Variants in KIFAP3 observed in about 807,000 individuals in gnomAD.
KIFAP3 encodes kinesin associated protein 3.
In KIFAP3, 68 loss-of-function variants were observed where a neutral mutation model predicts 106.5. The observed-to-expected ratio is 0.64, with a 90% CI of 0.53 to 0.78. The LOEUF (loss-of-function observed/expected upper bound fraction) is 0.78, where lower values mean the gene tolerates loss of function less well. Ranked by LOEUF, KIFAP3 falls within the 30% of genes least tolerant of loss-of-function variation. The pLI, the probability that KIFAP3 is intolerant of heterozygous loss-of-function variation, is 0.00. For missense variants in KIFAP3, 780 were observed against 941.8 expected, an observed-to-expected ratio of 0.83 and a Z score of 2.25; for synonymous variants, 320 against 311.5, an observed-to-expected ratio of 1.03 and a Z score of -0.29.
chr1:170,041,964 C>G, intron 3 of KIFAP3: 1 of 804,896 alleles, frequency 1.2e-6, no homozygotes, highest in Non-Finnish European at 1.8e-6. Context: ...AGAGTTCTGA[C>G]TTATCAGGGT....
At chr1:170,016,098 A>G (rs1312385125) in intron 10 of KIFAP3, among the ~76,000 whole-genome samples, 2 of 152,172 alleles carry the variant, frequency 1.3e-5, no homozygotes, top group Non-Finnish European at 2.9e-5. Context: ...TAGTATTTTG[A>G]AAGTATAGCA....
chr1:169,941,630 T>TATAAATATATTTGACCTA (rs1558181266), intron 19 of KIFAP3, among the ~76,000 whole-genome samples: 11 of 152,216 alleles, frequency 7.2e-5, no homozygotes, highest in African/African-American at 2.6e-4. Flanking sequence ...CATATTTCCA[T>TATAAATATATTTGACCTA]ATATAAATTT....
chr1:169,956,412 A>G (rs2101850235), intron 18 of KIFAP3, among the ~76,000 whole-genome samples: 1 of 152,284 alleles, frequency 6.6e-6, no homozygotes, highest in South Asian at 2.1e-4. Flanking sequence ...ATTGTCTTCA[A>G]AGGGAACAAT....
At chr1:169,954,577 C>G (rs1273640521) in intron 18 of KIFAP3, among the ~76,000 whole-genome samples, 1 of 152,092 alleles carries the variant, frequency 6.6e-6, no homozygotes, top group African/African-American at 2.4e-5. Context: ...ATTAGGGAAT[C>G]AGATATACCA....
At chr1:170,046,066 C>G (rs1346571515) in intron 3 of KIFAP3, among the ~76,000 whole-genome samples, 1 of 151,946 alleles carries the variant, frequency 6.6e-6, no homozygotes, top group African/African-American at 2.4e-5. Flanking sequence ...TCACCTTACA[C>G]TCTGACCAAT....
intron 2 of KIFAP3, among the ~76,000 whole-genome samples, chr1:170,054,236 C>G (rs1670724580): frequency 6.6e-6 from 1 of 152,168 alleles, no homozygotes; most frequent in Non-Finnish European, 1.5e-5. Flanking sequence ...CCAAGAAACA[C>G]ATGAAAAGAA....
Position 170,061,642 on chromosome 1 carries a change from A to T in KIFAP3, c.33-6206T>A, listed in dbSNP as rs545094249. ...GATCTAGAACTAGAAATACCATTTG[A>T]CCCAGCCATCCCATTACTGGGTATA... is the stretch of plus-strand genomic sequence containing the variant. On this transcript the variant is annotated intron_variant, in intron 1 of 19. Transcript: ENST00000361580. 6.4e-4 allele frequency among the ~76,000 whole-genome samples: 97 copies of T among 152,300 alleles called. No homozygotes were observed. The East Asian group carries it at 0.015, about 23-fold the overall frequency.
At chr1:170,072,084 T>C (rs951191567) in intron 1 of KIFAP3, among the ~76,000 whole-genome samples, 5 of 152,266 alleles carry the variant, frequency 3.3e-5, no homozygotes, top group South Asian at 2.1e-4. Flanking sequence ...TAATGACTTT[T>C]ACACAGTAGA....
rs1663917839 is a variant in KIFAP3 at position 169,938,249 on chromosome 1, T to C, written c.2273+15762A>G. ...GTACACTACGAATCCCTTAACTGGA[T>C]CTTAATTATGAAGGCAAGCATCTTC... On this transcript the variant is annotated intron_variant, in intron 19 of 19. Transcript: ENST00000361580. Among the ~76,000 whole-genome samples, 3 of 151,986 alleles carry C rather than the reference T, an allele frequency of 2.0e-5. No individual in the cohort carries two copies. The South Asian group carries it at 6.2e-4, about 31-fold the overall frequency.
chr1:169,985,484 T>C (rs1020006007), intron 11 of KIFAP3, among the ~76,000 whole-genome samples: 2 of 151,860 alleles, frequency 1.3e-5, no homozygotes, highest in Admixed American at 6.6e-5. Context: ...CACTGAGAAA[T>C]GACATACATG....
In KIFAP3 at chr1:170,031,891, A is replaced by G; in HGVS notation, c.836T>C (p.Leu279Ser). Residue 279 changes from leucine (L) to serine (S), a missense_variant, in exon 8 of 20, where the codon TTA becomes TCA. By Grantham distance (145) the Leu-to-Ser change is moderately radical (BLOSUM62 -2). Transcript: ENST00000361580. Reference protein sequence around the residue: ...QGLVVKQEQLLRVALYLLLNL... With the variant: ...QGLVVKQEQLSRVALYLLLNL... ...CATTGCTTAGGAATTCATACCTCGTAATAGCTGTTCCTGTTTTACCACAAG... is the reference window on the plus strand; with the variant it reads ...CATTGCTTAGGAATTCATACCTCGTGATAGCTGTTCCTGTTTTACCACAAG... 5 of 1,596,316 alleles carry G rather than the reference A, an allele frequency of 3.1e-6. No homozygotes were observed. The South Asian group carries it at 5.5e-5, about 18-fold the overall frequency.
chr1:170,025,099 CATAT>C (rs2102024984), intron 8 of KIFAP3, among the ~76,000 whole-genome samples: 1 of 152,214 alleles, frequency 6.6e-6, no homozygotes, highest in South Asian at 2.1e-4. Context: ...ATCAACTTTT[CATAT>C]GCAAACTGAT....
At chr1:170,055,487 C>T (rs1670794861) in intron 1 of KIFAP3, 51 bp from the exon 2 acceptor site, 4 of 1,456,764 alleles carry the variant, frequency 2.7e-6, no homozygotes, top group Non-Finnish European at 3.7e-6. Flanking sequence ...CTCAAAGTGG[C>T]CATGGTTTTT....
At chr1:169,989,191 CAG>C (rs1666981963) in intron 11 of KIFAP3, among the ~76,000 whole-genome samples, 1 of 151,956 alleles carries the variant, frequency 6.6e-6, no homozygotes, top group Non-Finnish European at 1.5e-5. Context: ...GTAATCTAGA[CAG>C]ACTCTTATTT....
chr1:170,030,640 T>C (rs1250244359), intron 8 of KIFAP3, among the ~76,000 whole-genome samples: 2 of 151,854 alleles, frequency 1.3e-5, no homozygotes, highest in Admixed American at 1.3e-4. Context: ...TATTGATAAA[T>C]GCAATAATAT....
intron 10 of KIFAP3, among the ~76,000 whole-genome samples, chr1:169,993,330 T>C (rs1667193451): frequency 6.6e-6 from 1 of 151,406 alleles, no homozygotes; most frequent in Non-Finnish European, 1.5e-5. Flanking sequence ...CAGGCTGGTC[T>C]CGAACTCTTG....
intron 8 of KIFAP3, among the ~76,000 whole-genome samples, chr1:170,029,096 T>C (rs902611161): frequency 6.6e-6 from 1 of 151,962 alleles, no homozygotes; most frequent in Non-Finnish European, 1.5e-5. Context: ...TAGATTAACA[T>C]AAGAAAAGGT....
chr1:169,953,615 C>T (rs911151605), intron 19 of KIFAP3, among the ~76,000 whole-genome samples: 1 of 152,034 alleles, frequency 6.6e-6, no homozygotes, highest in Non-Finnish European at 1.5e-5. Flanking sequence ...CCCGGGTTCA[C>T]GCCATTCTCC....
At chr1:169,938,981 A>C (rs998224354) in intron 19 of KIFAP3, among the ~76,000 whole-genome samples, 3 of 152,334 alleles carry the variant, frequency 2.0e-5, no homozygotes, top group African/African-American at 7.2e-5. Flanking sequence ...CTGGAGATGT[A>C]GATAAGTGTC....
Sources: gnomAD v4.1 joint callset for allele counts (sites outside exome capture counted in the v4.1 genomes callset) on GRCh38, gnomAD v4.1.1 for gene constraint, MANE v1.5 for transcripts, NCBI Gene and HGNC (gene_info 2026-07-23, HGNC 2026-07-21) for gene names.